Variants in L3MBTL4 observed in about 807,000 individuals in gnomAD.
L3MBTL4 encodes the protein lethal(3)malignant brain tumor-like protein 4.
Under a neutral mutation model 84.5 loss-of-function variants are expected in L3MBTL4, and 70 were observed. The observed-to-expected ratio is 0.83, with a 90% CI of 0.68 to 1.01. The LOEUF is 1.01. Among genes scored for constraint, L3MBTL4 ranks in the 50% least tolerant of loss-of-function variants. The pLI is 0.00. For synonymous variants in L3MBTL4, 274 were observed against 259.8 expected (o/e 1.05, Z -0.52); for missense variants, 715 against 754.8 (o/e 0.95, Z 0.62).
chr18:6,394,981 T>A (rs2055209379), intron 1 of L3MBTL4: 1 of 152,230 alleles, frequency 6.6e-6, no homozygotes, highest in South Asian at 2.1e-4. Context: ...AGAAATTTAA[T>A]GATTCTCAAT....
chr18:6,281,947 C>T (rs993629459), intron 4 of L3MBTL4, among the ~76,000 whole-genome samples: 3 of 152,090 alleles, frequency 2.0e-5, no homozygotes, highest in African/African-American at 7.2e-5. Context: ...CCATTATCAC[C>T]CGGACAGATT....
intron 16 of L3MBTL4, among the ~76,000 whole-genome samples, chr18:6,071,882 G>C (rs1327720571): frequency 6.6e-6 from 1 of 151,460 alleles, no homozygotes; most frequent in African/African-American, 2.4e-5. Flanking sequence ...AAGGAAGGAA[G>C]GAAGAAAGAT....
At chr18:6,009,348 T>C (rs934443277) in intron 16 of L3MBTL4, among the ~76,000 whole-genome samples, 4 of 152,158 alleles carry the variant, frequency 2.6e-5, no homozygotes, top group Admixed American at 2.6e-4. Context: ...GAGGACAGAC[T>C]GGGTGAAGAC....
In L3MBTL4 at chr18:5,955,960, A is replaced by T; in HGVS notation, c.*260T>A. ...GTGGGCTTCTTTGGTCTGTCTTGCA[A>T]ACAAATCAGAGCTGAGCGGATCCCA... On this transcript the variant is annotated 3_prime_UTR_variant, in exon 19 of 19. Coordinates refer to ENST00000317931, the MANE Select transcript of L3MBTL4 (RefSeq NM_001330559.2). 1 of 356,100 alleles carries T rather than the reference A, an allele frequency of 2.8e-6. No individual in the cohort carries two copies. Among genetic ancestry groups the T allele is most frequent in the African/African-American group, 2.1e-5 (1 of 47,934 alleles). The allele number at this position is 356,100 out of a possible 1,614,324, so 22.1% of individuals were successfully genotyped here.
chr18:6,077,984 C>T (rs1022101394), intron 16 of L3MBTL4, among the ~76,000 whole-genome samples: 2 of 151,742 alleles, frequency 1.3e-5, no homozygotes, highest in Non-Finnish European at 2.9e-5. Flanking sequence ...GCCAAGATCG[C>T]GCCACTGCAC....
At chr18:6,397,234 A>G (rs974729567) in intron 1 of L3MBTL4, 9 of 152,170 alleles carry the variant, frequency 5.9e-5, no homozygotes, top group African/African-American at 2.2e-4. Context: ...CAGTAAATGT[A>G]CTTCTCTGCA....
intron 14 of L3MBTL4, among the ~76,000 whole-genome samples, chr18:6,130,644 A>T (rs113825929): frequency 4.4e-4 from 67 of 152,322 alleles, no homozygotes; most frequent in African/African-American, 1.6e-3. Context: ...GTTTTATGAC[A>T]CAGAGGTAGA....
At chr18:6,002,349 A>G (rs970749404) in intron 16 of L3MBTL4, among the ~76,000 whole-genome samples, 1 of 152,162 alleles carries the variant, frequency 6.6e-6, no homozygotes, top group African/African-American at 2.4e-5. Context: ...TTGAAGGCAT[A>G]TGAGAATATA....
At chr18:6,212,860 C>G (rs1005132351) in intron 12 of L3MBTL4, among the ~76,000 whole-genome samples, 2 of 152,144 alleles carry the variant, frequency 1.3e-5, no homozygotes, top group Admixed American at 6.5e-5. Flanking sequence ...AGACATGTGA[C>G]TAGAAATTAA....
chr18:6,130,430 T>A (rs7232049), intron 14 of L3MBTL4, among the ~76,000 whole-genome samples: 7,967 of 152,236 alleles, frequency 0.052, 701 homozygotes, highest in African/African-American at 0.18. Context: ...ATATTAGATT[T>A]ATCTGATACC....
intron 14 of L3MBTL4, among the ~76,000 whole-genome samples, chr18:6,108,842 T>C (rs1361461203): frequency 6.6e-5 from 10 of 152,296 alleles, no homozygotes; most frequent in Middle Eastern, 3.4e-3. Flanking sequence ...ATAACAACTA[T>C]TTACTTAGCA....
intron 14 of L3MBTL4, among the ~76,000 whole-genome samples, chr18:6,119,649 G>A (rs2059465699): frequency 1.3e-5 from 2 of 152,106 alleles, no homozygotes; most frequent in South Asian, 4.1e-4. Flanking sequence ...ACAGAAGCCA[G>A]GCCTAAGGAA....
intron 13 of L3MBTL4, among the ~76,000 whole-genome samples, chr18:6,154,530 A>G (rs1244202188): frequency 1.3e-5 from 2 of 152,176 alleles, no homozygotes; most frequent in Non-Finnish European, 2.9e-5. Flanking sequence ...TCTTCTCCTC[A>G]GTCTCAATAT....
intron 1 of L3MBTL4, among the ~76,000 whole-genome samples, chr18:6,330,885 A>G (rs943861262): frequency 3.9e-5 from 6 of 152,244 alleles, no homozygotes; most frequent in Non-Finnish European, 7.3e-5. Flanking sequence ...ATACATTTTA[A>G]AAGTTGTAAA....
chr18:6,199,481 C>T (rs1010393237), intron 12 of L3MBTL4, among the ~76,000 whole-genome samples: 1 of 152,204 alleles, frequency 6.6e-6, no homozygotes, highest in Admixed American at 6.5e-5. Context: ...GGAAGTTCTG[C>T]TGGACAGCAC....
chr18:6,126,543 G>T (rs1403206724), intron 14 of L3MBTL4, among the ~76,000 whole-genome samples: 1 of 152,056 alleles, frequency 6.6e-6, no homozygotes, highest in Non-Finnish European at 1.5e-5. Flanking sequence ...AAAATCCTTA[G>T]AATGTATCAA....
intron 1 of L3MBTL4, among the ~76,000 whole-genome samples, chr18:6,407,981 A>G (rs1331639509): frequency 6.6e-6 from 1 of 152,166 alleles, no homozygotes; most frequent in Admixed American, 6.5e-5. Context: ...AGCAGACACA[A>G]ATGTACAAAA....
intron 4 of L3MBTL4, among the ~76,000 whole-genome samples, chr18:6,272,021 T>G (rs1359544005): frequency 1.3e-5 from 2 of 152,150 alleles, no homozygotes; most frequent in South Asian, 2.1e-4. Flanking sequence ...GCAGATGACA[T>G]AAGCTCTTGA....
chr18:6,316,775 T>C (rs1050894188), intron 1 of L3MBTL4, among the ~76,000 whole-genome samples: 1 of 152,146 alleles, frequency 6.6e-6, no homozygotes, highest in African/African-American at 2.4e-5. Flanking sequence ...CCTGCTGGCC[T>C]GGCAGAAGAA....
Sources: gnomAD v4.1 joint callset for allele counts (sites outside exome capture counted in the v4.1 genomes callset) on GRCh38, gnomAD v4.1.1 for gene constraint, MANE v1.5 for transcripts, NCBI Gene and HGNC (gene_info 2026-07-23, HGNC 2026-07-21) for gene names.